MED12L: variants seen among roughly 807,000 people sequenced by gnomAD.
MED12L encodes mediator complex subunit 12L.
Under a neutral mutation model 281.3 loss-of-function variants are expected in MED12L, and 60 were observed. The ratio of observed to expected loss-of-function variants is 0.21; its 90% CI spans 0.17 to 0.26. MED12L has a LOEUF of 0.26. Among genes scored for constraint, MED12L ranks in the 10% least tolerant of loss-of-function variants. MED12L has a pLI of 1.00. For missense variants in MED12L, 2,146 were observed against 2,680.9 expected (o/e 0.80, Z 4.41); for synonymous variants, 974 against 987.2 (o/e 0.99, Z 0.25).
chr3:151,344,277 A>G (rs1752261734), intron 16 of MED12L, among the ~76,000 whole-genome samples: 1 of 147,146 alleles, frequency 6.8e-6, no homozygotes, highest in Non-Finnish European at 1.5e-5. Context: ...TTTACAGAAA[A>G]TATACTCTAT....
chr3:151,179,027 T>C (rs759891577), intron 11 of MED12L, among the ~76,000 whole-genome samples: 3 of 152,214 alleles, frequency 2.0e-5, no homozygotes, highest in Non-Finnish European at 2.9e-5. Flanking sequence ...CAATAAATAC[T>C]GTAGAAAACC....
intron 16 of MED12L, chr3:151,270,086 A>G (rs1740605952): frequency 4.4e-6 from 1 of 228,652 alleles, no homozygotes; most frequent in Non-Finnish European, 8.6e-6. Flanking sequence ...GAAGATGAAG[A>G]TGATGATGAA....
At chr3:151,214,429 G>T in intron 16 of MED12L, 1 of 886,848 alleles carries the variant, frequency 1.1e-6, no homozygotes. Context: ...AATGAATATA[G>T]TCAAACCTAC....
chr3:151,257,843 A>G (rs1332446462), intron 16 of MED12L, among the ~76,000 whole-genome samples: 2 of 152,212 alleles, frequency 1.3e-5, no homozygotes, highest in Admixed American at 6.5e-5. Flanking sequence ...GATGAGAGTC[A>G]CACAAATTTT....
intron 36 of MED12L, among the ~76,000 whole-genome samples, chr3:151,386,956 C>T (rs972371151): frequency 3.3e-5 from 5 of 151,980 alleles, no homozygotes; most frequent in African/African-American, 4.8e-5. Context: ...TGATCCCACC[C>T]GCCTCAGCCT....
chr3:151,252,433 CAGTTGTTTCTCCCAACTAGATTGG>C lies in MED12L; in HGVS notation c.2250+58768_2250+58791del, dbSNP rs1273560014. 2.0e-5 allele frequency among the ~76,000 whole-genome samples: 3 copies of C among 152,020 alleles called. No homozygotes were observed. The South Asian group carries it at 6.2e-4, about 32-fold the overall frequency. On this transcript the variant is annotated intron_variant, in intron 16 of 44. Coordinates refer to ENST00000687756, the MANE Select transcript of MED12L (RefSeq NM_001393769.1). ...TAAATACTGATTTTTAATTGTCTGC[CAGTTGTTTCTCCCAACTAGATTGG>C]GTGAGCTGTTGAGAGCCAGGGCAGT...
At chr3:151,251,394 A>G (rs1431880803) in intron 16 of MED12L, among the ~76,000 whole-genome samples, 1 of 150,100 alleles carries the variant, frequency 6.7e-6, no homozygotes, top group Non-Finnish European at 1.5e-5. Flanking sequence ...TTTTTTTTTT[A>G]TGCTTAAATA....
chr3:151,292,162 A>T (rs1047200331), intron 16 of MED12L, among the ~76,000 whole-genome samples: 3 of 152,224 alleles, frequency 2.0e-5, no homozygotes, highest in Non-Finnish European at 4.4e-5. Context: ...TTAATAGCTT[A>T]TATAAACACG....
chr3:151,138,126 C>T (rs576330770), intron 5 of MED12L, among the ~76,000 whole-genome samples: 110 of 151,950 alleles, frequency 7.2e-4, no homozygotes, highest in African/African-American at 2.5e-3. Flanking sequence ...CTTATTTCTT[C>T]TTTCTCCTTA....
intron 26 of MED12L, among the ~76,000 whole-genome samples, chr3:151,370,892 C>T (rs1165433360): frequency 6.6e-6 from 1 of 152,196 alleles, no homozygotes; most frequent in Non-Finnish European, 1.5e-5. Context: ...AGTCTAATCT[C>T]AAGTAGAATT....
At chr3:151,270,227 G>GTGTGTGTGTC (rs1246770187) in intron 16 of MED12L, 2 of 158,134 alleles carry the variant, frequency 1.3e-5, no homozygotes, top group African/African-American at 4.9e-5. Flanking sequence ...GTGTGTGTGT[G>GTGTGTGTGTC]TGTGTGTGTG....
intron 43 of MED12L, among the ~76,000 whole-genome samples, chr3:151,419,364 C>T (rs549490340): frequency 7.2e-5 from 11 of 152,248 alleles, no homozygotes; most frequent in Admixed American, 4.6e-4. Flanking sequence ...CTTGGGAGTC[C>T]GGTGTTTGAG....
chr3:151,178,629 G>T (rs746323891), intron 11 of MED12L, among the ~76,000 whole-genome samples: 1 of 152,210 alleles, frequency 6.6e-6, no homozygotes, highest in South Asian at 2.1e-4. Flanking sequence ...CCATTACTTA[G>T]CTGAGTGACC....
chr3:151,119,059 T>G (rs1713329181), intron 3 of MED12L, among the ~76,000 whole-genome samples: 1 of 152,216 alleles, frequency 6.6e-6, no homozygotes, highest in Non-Finnish European at 1.5e-5. Flanking sequence ...CACTTTTCCT[T>G]ATGGCTAAAG....
At chr3:151,101,951 T>C (rs1433794247) in intron 2 of MED12L, among the ~76,000 whole-genome samples, 1 of 152,146 alleles carries the variant, frequency 6.6e-6, no homozygotes, top group Admixed American at 6.5e-5. Flanking sequence ...ACAACACTCA[T>C]ATTTCTTGGA....
intron 42 of MED12L, among the ~76,000 whole-genome samples, 188 bp downstream of exon 42, chr3:151,413,483 A>G (rs1383542133): frequency 6.6e-6 from 1 of 152,218 alleles, no homozygotes; most frequent in Non-Finnish European, 1.5e-5. Context: ...TTCTCTGTGT[A>G]TCTACCAGGT....
chr3:151,338,837 G>A lies in MED12L; in HGVS notation c.2251-11222G>A, dbSNP rs201192490. Reference sequence around the variant, plus strand: ...CAGGCGCAGAGGTGAGGTTGTCGACGGCTTGCATTTCTTGTTGGTTACCTA... The same window carrying A: ...CAGGCGCAGAGGTGAGGTTGTCGACAGCTTGCATTTCTTGTTGGTTACCTA... On this transcript the variant is annotated intron_variant, in intron 16 of 44. Transcript: ENST00000687756. 1.1e-5 allele frequency: 17 copies of A among 1,613,410 alleles called. No individual in the cohort carries two copies. Among genetic ancestry groups the A allele is most frequent in the East Asian group, 8.9e-5 (4 of 44,864 alleles).
At chr3:151,155,978 T>C (rs1719223597) in intron 5 of MED12L, among the ~76,000 whole-genome samples, 183 bp from the exon 6 acceptor site, 1 of 152,190 alleles carries the variant, frequency 6.6e-6, no homozygotes, top group Non-Finnish European at 1.5e-5. Flanking sequence ...TAGCATGCGT[T>C]CTCTAAGGGC....
chr3:151,158,829 GT>G (rs748083301), intron 7 of MED12L, 30 bp downstream of exon 7: 1 of 1,409,090 alleles, frequency 7.1e-7, no homozygotes, highest in South Asian at 1.2e-5. Context: ...GAGGCAGTTG[GT>G]TTTATGGGCA....
Sources: allele counts gnomAD v4.1 joint callset (sites outside exome capture counted in the v4.1 genomes callset), GRCh38; gene constraint gnomAD v4.1.1; transcripts MANE v1.5; gene names NCBI Gene and HGNC (gene_info 2026-07-23, HGNC 2026-07-21).